Variants in KCNH7 observed in about 807,000 individuals in gnomAD.
KCNH7 encodes the protein voltage-gated inwardly rectifying potassium channel KCNH7.
In KCNH7, 49 loss-of-function variants were observed where a neutral mutation model predicts 120.8. The observed-to-expected ratio is 0.41, with a 90% CI of 0.32 to 0.51. The LOEUF (loss-of-function observed/expected upper bound fraction) is 0.51, where lower values mean the gene tolerates loss of function less well. Ranked by LOEUF, KCNH7 falls within the 20% of genes least tolerant of loss-of-function variation. KCNH7 has a pLI of 0.38. For synonymous variants in KCNH7, 547 were observed against 516.1 expected, an observed-to-expected ratio of 1.06 and a Z score of -0.81; for missense variants, 1,097 against 1,446.6, an observed-to-expected ratio of 0.76 and a Z score of 3.92.
chr2:162,481,829 G>A (rs887008393), intron 6 of KCNH7, among the ~76,000 whole-genome samples: 4 of 152,114 alleles, frequency 2.6e-5, no homozygotes, highest in African/African-American at 9.7e-5. Context: ...ATTACCAATT[G>A]ATGAGTTAGC....
intron 7 of KCNH7, among the ~76,000 whole-genome samples, chr2:162,440,071 C>G (rs1688373431): frequency 6.6e-6 from 1 of 151,256 alleles, no homozygotes; most frequent in African/African-American, 2.4e-5. Context: ...AAGAGAGACT[C>G]ATTAATAAGA....
chr2:162,646,005 G>A (rs986908309), intron 2 of KCNH7, among the ~76,000 whole-genome samples: 7 of 152,120 alleles, frequency 4.6e-5, no homozygotes, highest in African/African-American at 7.2e-5. Context: ...TCCAAACACC[G>A]TGAAATCTAT....
chr2:162,651,946 A>G (rs1684580879), intron 2 of KCNH7, among the ~76,000 whole-genome samples: 1 of 152,184 alleles, frequency 6.6e-6, no homozygotes, highest in Non-Finnish European at 1.5e-5. Flanking sequence ...GCATTTCTCT[A>G]ATGATCAGTG....
At chr2:162,795,944 T>C (rs1042261482) in intron 2 of KCNH7, 1 of 151,964 alleles carries the variant, frequency 6.6e-6, no homozygotes, top group African/African-American at 2.4e-5. Context: ...AATAGAAAAG[T>C]AAACAAAGAA....
chr2:162,560,373 C>G lies in KCNH7; in HGVS notation c.308-23293G>C, dbSNP rs183570199. On this transcript the variant is annotated intron_variant, in intron 2 of 15. Transcript: ENST00000332142. Reference sequence around the variant, plus strand: ...TCTAACTGTAACATCGGAACAGGAGCAAAAGTATCACACCATCCTAGACTC... The same window carrying G: ...TCTAACTGTAACATCGGAACAGGAGGAAAAGTATCACACCATCCTAGACTC... Among the ~76,000 whole-genome samples the G allele has an allele frequency of 2.4e-4, 37 of 152,250 alleles. 1 individual carries two copies. The highest frequency in any genetic ancestry group is 2.2e-3 in the Admixed American group (34 of 15,284).
intron 6 of KCNH7, among the ~76,000 whole-genome samples, chr2:162,460,003 A>G (rs960695166): frequency 6.7e-6 from 1 of 148,548 alleles, no homozygotes; most frequent in African/African-American, 2.5e-5. Flanking sequence ...CTGGGGCAGG[A>G]GAATTGCTTG....
chr2:162,558,212 C>G lies in KCNH7; in HGVS notation c.308-21132G>C, dbSNP rs534252509. ...TCTTTTTTTGAGACGGAGTCTCGCT[C>G]TGGCCAGGCTGGAGTACAGTGGCAC... is the stretch of plus-strand genomic sequence containing the variant. On this transcript the variant is annotated intron_variant, in intron 2 of 15. Coordinates refer to ENST00000332142, the MANE Select transcript of KCNH7 (RefSeq NM_033272.4). Among the ~76,000 whole-genome samples the G allele has an allele frequency of 5.3e-5, 8 of 151,570 alleles. No individual in the cohort carries two copies. In the South Asian group the frequency reaches 6.2e-4, roughly 12 times the overall value.
intron 6 of KCNH7, among the ~76,000 whole-genome samples, chr2:162,464,431 CAA>C (rs1008146371): frequency 6.6e-6 from 1 of 151,882 alleles, no homozygotes; most frequent in African/African-American, 2.4e-5. Flanking sequence ...CTAACTGAAA[CAA>C]AAAGTATTAT....
At chr2:162,500,476 A>G (rs1690649781) in intron 6 of KCNH7, among the ~76,000 whole-genome samples, 1 of 151,596 alleles carries the variant, frequency 6.6e-6, no homozygotes, top group Admixed American at 6.6e-5. Flanking sequence ...CCCTGTGTTG[A>G]AGAAGATGAC....
At chr2:162,568,422 C>T (rs922633986) in intron 2 of KCNH7, among the ~76,000 whole-genome samples, 2 of 152,002 alleles carry the variant, frequency 1.3e-5, no homozygotes, top group Admixed American at 1.3e-4. Context: ...TAAGTATACT[C>T]TGCAATATTT....
At chr2:162,492,934 A>AT (rs1356827417) in intron 6 of KCNH7, among the ~76,000 whole-genome samples, 1 of 73,754 alleles carries the variant, frequency 1.4e-5, no homozygotes, top group Non-Finnish European at 2.7e-5. Flanking sequence ...ACTTTTCTCC[A>AT]TTTTGTCTTG....
chr2:162,724,671 C>CAAAAAAAAAAAAAAAAAAAA (rs71009368), intron 2 of KCNH7, among the ~76,000 whole-genome samples: 2 of 123,920 alleles, frequency 1.6e-5, no homozygotes, highest in South Asian at 5.4e-4. Flanking sequence ...GACTCCGTCT[C>CAAAAAAAAAAAAAAAAAAAA]AAAAAAAAAA....
At chr2:162,610,949 A>T (rs1282308279) in intron 2 of KCNH7, among the ~76,000 whole-genome samples, 1 of 152,222 alleles carries the variant, frequency 6.6e-6, no homozygotes, top group Non-Finnish European at 1.5e-5. Context: ...TGTTAGGTTA[A>T]TGAGGACAGA....
At chr2:162,542,793 A>G (rs1017807657) in intron 2 of KCNH7, among the ~76,000 whole-genome samples, 1 of 152,000 alleles carries the variant, frequency 6.6e-6, no homozygotes, top group African/African-American at 2.4e-5. Context: ...GTCAAATGGT[A>G]TTTCTAGTTC....
chr2:162,648,694 G>A (rs1684461577), intron 2 of KCNH7, among the ~76,000 whole-genome samples: 1 of 152,008 alleles, frequency 6.6e-6, no homozygotes, highest in South Asian at 2.1e-4. Context: ...CCAAATCCAG[G>A]TTTCCACCTG....
intron 6 of KCNH7, among the ~76,000 whole-genome samples, chr2:162,475,206 T>C (rs892749543): frequency 1.2e-4 from 18 of 152,204 alleles, no homozygotes; most frequent in African/African-American, 4.3e-4. Context: ...CGAATGACAC[T>C]GTTTAAAGAT....
At chr2:162,726,672 G>A (rs527710345) in intron 2 of KCNH7, among the ~76,000 whole-genome samples, 14 of 152,196 alleles carry the variant, frequency 9.2e-5, no homozygotes, top group Admixed American at 2.0e-4. Context: ...CGCCCACCTC[G>A]GCCTTGTCAA....
intron 14 of KCNH7, among the ~76,000 whole-genome samples, chr2:162,374,242 G>T (rs180693427): frequency 2.8e-4 from 43 of 152,116 alleles, no homozygotes; most frequent in African/African-American, 1.0e-3. Flanking sequence ...ATATGTCATG[G>T]CCTTTGGTAT....
intron 3 of KCNH7, among the ~76,000 whole-genome samples, chr2:162,521,091 C>G (rs2105792243): frequency 6.6e-6 from 1 of 151,974 alleles, no homozygotes; most frequent in African/African-American, 2.4e-5. Context: ...GTTACCACCC[C>G]TTTCATAGCT....
Sources: gnomAD v4.1 joint callset for allele counts (sites outside exome capture counted in the v4.1 genomes callset) on GRCh38, gnomAD v4.1.1 for gene constraint, MANE v1.5 for transcripts, NCBI Gene and HGNC (gene_info 2026-07-23, HGNC 2026-07-21) for gene names.